MECOM: variants seen among roughly 807,000 people sequenced by gnomAD.
MECOM encodes MDS1 and EVI1 complex locus.
A neutral mutation model predicts 116.3 loss-of-function variants in MECOM; 13 were observed. The observed-to-expected ratio is 0.11, with a 90% confidence interval of 0.07 to 0.18. MECOM has a LOEUF of 0.18. Among genes scored for constraint, MECOM ranks in the 10% least tolerant of loss-of-function variants. MECOM has a pLI of 1.00. For missense variants in MECOM, 1,299 were observed against 1,509.0 expected, an observed-to-expected ratio of 0.86 and a Z score of 2.31; for synonymous variants, 528 against 535.2, an observed-to-expected ratio of 0.99 and a Z score of 0.19.
At chr3:169,600,616 G>A (rs1210037058) in intron 1 of MECOM, among the ~76,000 whole-genome samples, 1 of 152,208 alleles carries the variant, frequency 6.6e-6, no homozygotes, top group East Asian at 1.9e-4. Flanking sequence ...GCCCACTCCA[G>A]GAAACTCGGC....
chr3:169,518,175 T>C (rs9833668), intron 1 of MECOM, among the ~76,000 whole-genome samples: 43,047 of 151,228 alleles, frequency 0.28, 10,058 homozygotes, highest in African/African-American at 0.65. Context: ...AGGAGAATGG[T>C]GCGAACCCGG....
intron 1 of MECOM, among the ~76,000 whole-genome samples, chr3:169,477,711 T>G (rs760893242): frequency 6.6e-5 from 10 of 151,956 alleles, no homozygotes; most frequent in Non-Finnish European, 1.3e-4. Context: ...TATGCAGACT[T>G]TTTTTTTGCT....
At chr3:169,233,001 GTTC>G (rs1419043382) in intron 2 of MECOM, among the ~76,000 whole-genome samples, 1 of 152,082 alleles carries the variant, frequency 6.6e-6, no homozygotes, top group Non-Finnish European at 1.5e-5. Flanking sequence ...GCAGTTGGGG[GTTC>G]TTCGTAGACC....
intron 2 of MECOM, among the ~76,000 whole-genome samples, chr3:169,173,306 C>T (rs913653853): frequency 3.3e-5 from 5 of 151,988 alleles, no homozygotes; most frequent in African/African-American, 7.2e-5. Context: ...GCTGAATTTC[C>T]TCCAAGATTT....
At chr3:169,380,182 A>G (rs1251526344) in intron 2 of MECOM, among the ~76,000 whole-genome samples, 4 of 152,174 alleles carry the variant, frequency 2.6e-5, no homozygotes, top group African/African-American at 9.6e-5. Context: ...TAATGATCAT[A>G]AATATTAAGG....
chr3:169,191,792 A>AAGAAAGAAAGAAAGAAAGAAAGAAAGGG, intron 2 of MECOM, among the ~76,000 whole-genome samples: 1 of 145,958 alleles, frequency 6.9e-6, no homozygotes, highest in East Asian at 2.2e-4. Flanking sequence ...GAAAGAAAGA[A>AAGAAAGAAAGAAAGAAAGAAAGAAAGGG]AGGGAGGGAA....
intron 1 of MECOM, among the ~76,000 whole-genome samples, chr3:169,526,080 T>C (rs971574146): frequency 1.3e-5 from 2 of 151,712 alleles, no homozygotes; most frequent in Non-Finnish European, 2.9e-5. Context: ...TAAAGTTTTC[T>C]CACACAAAAA....
chr3:169,434,747 T>C (rs769209132), intron 1 of MECOM, among the ~76,000 whole-genome samples: 3 of 152,226 alleles, frequency 2.0e-5, no homozygotes, highest in Non-Finnish European at 4.4e-5. Flanking sequence ...GTTTTTATTT[T>C]TAAAGAATTC....
intron 2 of MECOM, among the ~76,000 whole-genome samples, chr3:169,170,947 C>T (rs56130551): frequency 0.07 from 10,671 of 152,182 alleles, 465 homozygotes; most frequent in South Asian, 0.19. Context: ...TACAGAACAG[C>T]CTTCCATATA....
intron 2 of MECOM, among the ~76,000 whole-genome samples, chr3:169,203,317 C>T (rs1010604396): frequency 6.6e-6 from 1 of 151,990 alleles, no homozygotes; most frequent in Non-Finnish European, 1.5e-5. Flanking sequence ...CATTTTAATA[C>T]CACAGTGGAA....
intron 2 of MECOM, among the ~76,000 whole-genome samples, chr3:169,361,929 C>T (rs1470232282): frequency 6.6e-6 from 1 of 151,782 alleles, no homozygotes; most frequent in Non-Finnish European, 1.5e-5. Flanking sequence ...AATTTACTTT[C>T]CTCTTAAAAC....
chr3:169,377,844 A>C (rs538879794), intron 2 of MECOM, among the ~76,000 whole-genome samples: 1 of 152,294 alleles, frequency 6.6e-6, no homozygotes, highest in Non-Finnish European at 1.5e-5. Context: ...AGGATTATAA[A>C]TCATTCTGCT....
At chr3:169,602,690 G>C (rs561061831) in intron 1 of MECOM, among the ~76,000 whole-genome samples, 1 of 152,174 alleles carries the variant, frequency 6.6e-6, no homozygotes, top group Non-Finnish European at 1.5e-5. Flanking sequence ...TACCAAAAGA[G>C]GAAGGAAATA....
At chr3:169,222,749 G>A (rs990393414) in intron 2 of MECOM, among the ~76,000 whole-genome samples, 1 of 152,180 alleles carries the variant, frequency 6.6e-6, no homozygotes. Flanking sequence ...CAGATTAAGT[G>A]TAAACACTAA....
At chr3:169,290,425 A>C (rs966527882) in intron 2 of MECOM, among the ~76,000 whole-genome samples, 2 of 152,216 alleles carry the variant, frequency 1.3e-5, no homozygotes, top group African/African-American at 4.8e-5. Context: ...CTATAATTTT[A>C]AAATAACCTT....
chr3:169,096,646 C>A (rs1281100031), intron 12 of MECOM, among the ~76,000 whole-genome samples: 2 of 152,096 alleles, frequency 1.3e-5, no homozygotes, highest in Non-Finnish European at 2.9e-5. Flanking sequence ...GTGTGAAGGG[C>A]CCTTCTCCTC....
At position 169,629,925 on chromosome 3, in the gene MECOM, C is replaced by T. The variant is rs910659594; in HGVS notation, c.37+33411G>A. 7.2e-5 allele frequency among the ~76,000 whole-genome samples: 11 copies of T among 152,336 alleles called. No homozygotes were observed. In the South Asian group the frequency reaches 2.1e-3, roughly 29 times the overall value. On this transcript the variant is annotated intron_variant, in intron 1 of 16. Transcript: ENST00000651503. ...CCAGCCATCCATCAAAGCGGAGCCT[C>T]CTGAGAACAGCAGAATGCCAGTTTC...
rs143187242 is a variant in MECOM at position 169,144,151 on chromosome 3, G to T, written c.376-319C>A. Among the ~76,000 whole-genome samples the T allele has an allele frequency of 1.8e-3, 281 of 152,068 alleles. 2 individuals carry two copies. The highest frequency in any genetic ancestry group is 3.4e-3 in the Middle Eastern group (1 of 294). On this transcript the variant is annotated intron_variant, in intron 2 of 16. Transcript: ENST00000651503. The stretch of plus-strand genomic sequence containing the variant: ...TTTGCAAAAAATAATATTGAACAGC[G>T]TATATTAACATAATATTTCTAAACA...
At chr3:169,091,225 A>G (rs1201711679) in intron 14 of MECOM, among the ~76,000 whole-genome samples, 1 of 152,158 alleles carries the variant, frequency 6.6e-6, no homozygotes, top group Non-Finnish European at 1.5e-5. Context: ...AAAAGAGTGC[A>G]TGGATGAAAA....
Sources: gnomAD v4.1 joint callset for allele counts (sites outside exome capture counted in the v4.1 genomes callset) on GRCh38, gnomAD v4.1.1 for gene constraint, MANE v1.5 for transcripts, NCBI Gene and HGNC (gene_info 2026-07-23, HGNC 2026-07-21) for gene names.